Variants in IMMP2L observed in about 807,000 individuals in gnomAD.
IMMP2L encodes the protein inner mitochondrial membrane peptidase subunit 2, also known as mitochondrial inner membrane protease subunit 2.
In IMMP2L, 18 loss-of-function variants were observed where a neutral mutation model predicts 19.3. That is an observed-to-expected ratio of 0.93 (90% CI 0.64 to 1.38). IMMP2L has a LOEUF of 1.38. Among genes scored for constraint, IMMP2L ranks in the 40% most tolerant of loss-of-function variants. The pLI, the probability that IMMP2L is intolerant of heterozygous loss-of-function variation, is 0.00. For synonymous variants in IMMP2L, 76 were observed against 73.0 expected (o/e 1.04, Z -0.21); for missense variants, 233 against 218.2 (o/e 1.07, Z -0.43).
chr7:111,025,544 A>G, intron 3 of IMMP2L, among the ~76,000 whole-genome samples: 1 of 152,196 alleles, frequency 6.6e-6, no homozygotes, highest in East Asian at 1.9e-4. Flanking sequence ...TTAAACATCT[A>G]GAAAAGGCAG....
chr7:110,776,935 GTTTCTTTACACAT>G (rs949041442), intron 5 of IMMP2L, among the ~76,000 whole-genome samples: 5 of 151,924 alleles, frequency 3.3e-5, no homozygotes, highest in Non-Finnish European at 7.4e-5. Flanking sequence ...CTGATTTTGT[GTTTCTTTACACAT>G]TGAAGTGTGG....
intron 3 of IMMP2L, among the ~76,000 whole-genome samples, chr7:110,967,276 A>G (rs752795355): frequency 6.6e-6 from 1 of 151,892 alleles, no homozygotes; most frequent in Non-Finnish European, 1.5e-5. Flanking sequence ...TATGTTCCCA[A>G]AAAGTTATAA....
At chr7:111,049,251 C>T (rs1423284187) in intron 3 of IMMP2L, among the ~76,000 whole-genome samples, 1 of 150,020 alleles carries the variant, frequency 6.7e-6, no homozygotes, top group Admixed American at 6.7e-5. Context: ...CTGCCTCAGC[C>T]TCCCGAGTAG....
Position 110,883,457 on chromosome 7 carries a change from C to G in IMMP2L, c.408+3136G>C, listed in dbSNP as rs76136213. ...AAAAAGTGATTGAATTAGCTCTTTT[C>G]CAAATGACTTGGAACTAAAAAGAAC... On this transcript the variant is annotated intron_variant, in intron 5 of 5. Transcript: ENST00000405709. 1.1e-3 allele frequency among the ~76,000 whole-genome samples: 166 copies of G among 152,226 alleles called. 1 individual carries two copies. The highest frequency in any genetic ancestry group is 3.9e-3 in the African/African-American group (160 of 41,558).
At chr7:110,982,263 A>C (rs1194844677) in intron 3 of IMMP2L, among the ~76,000 whole-genome samples, 1 of 152,142 alleles carries the variant, frequency 6.6e-6, no homozygotes, top group African/African-American at 2.4e-5. Flanking sequence ...CATTCAGCCA[A>C]AGATATAAAA....
Position 111,046,893 on chromosome 7 carries a change from C to A in IMMP2L, c.240-83328G>T, listed in dbSNP as rs180921483. Reference sequence around the variant, plus strand: ...CATTGGGCCAAGAGCGTACATCTAACACAAGCTAATCCTCCAAGCACTTAT... The same window carrying A: ...CATTGGGCCAAGAGCGTACATCTAAAACAAGCTAATCCTCCAAGCACTTAT... On this transcript the variant is annotated intron_variant, in intron 3 of 5. Transcript: ENST00000405709. Among the ~76,000 whole-genome samples, 1,379 of 152,244 alleles carry A rather than the reference C, an allele frequency of 9.1e-3. 12 individuals are homozygous for A. The highest frequency in any genetic ancestry group is 0.014 in the Non-Finnish European group (952 of 68,010).
At chr7:111,140,150 A>G (rs1417220538) in intron 3 of IMMP2L, among the ~76,000 whole-genome samples, 2 of 152,156 alleles carry the variant, frequency 1.3e-5, no homozygotes, top group Non-Finnish European at 2.9e-5. Context: ...CAGAGAAAAG[A>G]CAGAGTTGGG....
chr7:110,687,391 C>A (rs1286726878), intron 5 of IMMP2L, among the ~76,000 whole-genome samples: 1 of 152,040 alleles, frequency 6.6e-6, no homozygotes, highest in Non-Finnish European at 1.5e-5. Flanking sequence ...ATGCAGAATC[C>A]ATGTCTAAGT....
intron 5 of IMMP2L, among the ~76,000 whole-genome samples, chr7:110,884,557 T>C (rs185927356): frequency 6.6e-6 from 1 of 152,188 alleles, no homozygotes. Flanking sequence ...AATGATCATA[T>C]ACTCAAGAGG....
chr7:111,105,467 T>A (rs1433215342), intron 3 of IMMP2L, among the ~76,000 whole-genome samples: 1 of 151,928 alleles, frequency 6.6e-6, no homozygotes, highest in Non-Finnish European at 1.5e-5. Flanking sequence ...CCATCTTCCA[T>A]GACAACAGAA....
chr7:111,481,192 C>T (rs1474300972), intron 3 of IMMP2L, among the ~76,000 whole-genome samples: 1 of 152,046 alleles, frequency 6.6e-6, no homozygotes, highest in Non-Finnish European at 1.5e-5. Flanking sequence ...GAAGAGACTG[C>T]TATGTATTTC....
intron 4 of IMMP2L, among the ~76,000 whole-genome samples, chr7:110,938,474 A>G (rs1816356011): frequency 6.6e-6 from 1 of 152,188 alleles, no homozygotes; most frequent in Non-Finnish European, 1.5e-5. Context: ...TTTACTGAAA[A>G]TATGTTTCCA....
chr7:111,016,802 A>G (rs374713333), intron 3 of IMMP2L, among the ~76,000 whole-genome samples: 2 of 51,102 alleles, frequency 3.9e-5, no homozygotes, highest in Non-Finnish European at 7.8e-5. Flanking sequence ...ATAATATATA[A>G]TATATACTAT....
At chr7:110,686,665 C>A (rs571618675) in intron 5 of IMMP2L, among the ~76,000 whole-genome samples, 1 of 151,962 alleles carries the variant, frequency 6.6e-6, no homozygotes, top group Non-Finnish European at 1.5e-5. Context: ...TGCTTCACCA[C>A]CCTCATTTCT....
intron 4 of IMMP2L, among the ~76,000 whole-genome samples, chr7:110,959,867 C>T (rs1364680495): frequency 6.6e-6 from 1 of 151,922 alleles, no homozygotes; most frequent in South Asian, 2.1e-4. Flanking sequence ...ATCATTAACC[C>T]TTGCTCTGGC....
At chr7:110,959,903 T>C (rs1423213274) in intron 4 of IMMP2L, among the ~76,000 whole-genome samples, 1 of 151,932 alleles carries the variant, frequency 6.6e-6, no homozygotes, top group Non-Finnish European at 1.5e-5. Flanking sequence ...AACCCAATAT[T>C]TACATGTGCT....
intron 3 of IMMP2L, among the ~76,000 whole-genome samples, chr7:111,226,502 A>G (rs900175102): frequency 1.3e-5 from 2 of 151,854 alleles, no homozygotes; most frequent in African/African-American, 2.4e-5. Context: ...CTTGCAAACA[A>G]ATCCTCATCT....
chr7:110,952,507 T>C (rs1373179401), intron 4 of IMMP2L, among the ~76,000 whole-genome samples: 2 of 152,132 alleles, frequency 1.3e-5, no homozygotes, highest in Non-Finnish European at 2.9e-5. Flanking sequence ...GAGAACTTCA[T>C]AATGTCCATC....
chr7:111,321,518 T>C (rs558190432), intron 3 of IMMP2L, among the ~76,000 whole-genome samples: 1 of 152,038 alleles, frequency 6.6e-6, no homozygotes, highest in South Asian at 2.1e-4. Flanking sequence ...ACAATCTTTT[T>C]TTTTCTCTAA....
Sources: gnomAD v4.1 joint callset for allele counts (sites outside exome capture counted in the v4.1 genomes callset) on GRCh38, gnomAD v4.1.1 for gene constraint, MANE v1.5 for transcripts, NCBI Gene and HGNC (gene_info 2026-07-23, HGNC 2026-07-21) for gene names.